Variants in CNPY4 observed in about 807,000 individuals in gnomAD.
The protein encoded by CNPY4 is protein canopy homolog 4.
CNPY4 carries 33 observed loss-of-function variants against 30.1 expected under a neutral mutation model. That is an observed-to-expected ratio of 1.10 (90% CI 0.83 to 1.46). The LOEUF (loss-of-function observed/expected upper bound fraction) is 1.46. CNPY4 is among the 40% of genes most tolerant of loss of function. The pLI is 0.00. For missense variants in CNPY4, 324 were observed against 302.6 expected (o/e 1.07, Z -0.52); for synonymous variants, 109 against 110.1 (o/e 0.99, Z 0.06).
Position 100,119,810 on chromosome 7 carries a change from G to A in CNPY4, c.66G>A (p.Gly22=). The change falls in exon 1 of 6, where the codon GGG becomes GGA. Residue 22 remains glycine, a synonymous_variant. Coordinates refer to ENST00000262932, the MANE Select transcript of CNPY4 (RefSeq NM_152755.2). ...LFLAVHEAWA[G]MLKEEDDDTE... is the part of the protein sequence containing the mutation. Reference sequence around the variant, plus strand: ...TGGCCGTGCACGAGGCTTGGGCTGGGATGTTGAAGGAGGAGGACGATGACA... The same window carrying A: ...TGGCCGTGCACGAGGCTTGGGCTGGAATGTTGAAGGAGGAGGACGATGACA... 1 of 1,614,142 alleles carries A rather than the reference G, an allele frequency of 6.2e-7. No individual in the cohort carries two copies. The highest frequency in any genetic ancestry group is 8.5e-7 in the Non-Finnish European group (1 of 1,180,002).
intron 4 of CNPY4, among the ~76,000 whole-genome samples, chr7:100,123,843 A>G (rs896364119): frequency 2.6e-5 from 4 of 152,220 alleles, no homozygotes; most frequent in African/African-American, 4.8e-5. Flanking sequence ...TTAAAAAGTA[A>G]TAATGGGCCA....
Position 100,122,368 on chromosome 7 carries a change from C to G in CNPY4, c.228C>G (p.His76Gln), listed in dbSNP as rs369187074. 6.2e-7 allele frequency: 1 copy of G among 1,614,136 alleles called. No individual in the cohort carries two copies. Among genetic ancestry groups the G allele is most frequent in the Non-Finnish European group, 8.5e-7 (1 of 1,180,026 alleles). ...QVLDTGKRKR[H>Q]VPYSVSETRL... is the part of the protein sequence containing the mutation. ...TGGATACAGGCAAGAGGAAGAGACA[C>G]GTGCCTTACAGCGTTTCGTGAGTCC... is the stretch of plus-strand genomic sequence containing the variant. Residue 76 changes from histidine to glutamine, a missense_variant, in exon 2 of 6, where the codon CAC (histidine) becomes CAG (glutamine). Coordinates refer to ENST00000262932, the MANE Select transcript of CNPY4 (RefSeq NM_152755.2).
Position 100,124,939 on chromosome 7 carries a change from A to C in CNPY4, c.*51A>C, listed in dbSNP as rs374228511. 6.5e-7 allele frequency: 1 copy of C among 1,526,784 alleles called. No individual in the cohort carries two copies. 94.6% of individuals were successfully genotyped at this position (1,526,784 alleles called of 1,614,324 possible). On this transcript the variant is annotated 3_prime_UTR_variant, in exon 6 of 6. Transcript: ENST00000262932. ...GGAAGGGATCATGGAGAGCCCTCTA[A>C]AGCCTGCACTCTCCCTGCTCCACAG...
Position 100,124,971 on chromosome 7 carries a change from G to C in CNPY4, c.*83G>C, listed in dbSNP as rs900879198. On this transcript the variant is annotated 3_prime_UTR_variant, in exon 6 of 6. Transcript: ENST00000262932. ...CACTCTCCCTGCTCCACAGCTTTCA[G>C]GGTGTGTTTATGAGTGACTCCACCC... 4 of 1,485,526 alleles carry C rather than the reference G, an allele frequency of 2.7e-6. No homozygotes were observed. The East Asian group carries it at 6.8e-5, about 25-fold the overall frequency. 92.0% of individuals were successfully genotyped at this position (1,485,526 alleles called of 1,614,324 possible). A position where few individuals can be genotyped will look rare whatever the true frequency, so the allele number is the denominator to read the frequency against.
Position 100,122,773 on chromosome 7 carries a change from T to TA in CNPY4, c.343-9dup. On this transcript the variant is annotated splice_polypyrimidine_tract_variant and intron_variant, in intron 3 of 5. Transcript: ENST00000262932. Reference sequence around the variant, plus strand: ...GTGAGCTGGGCTGATGCCAAATTCTTAATCTCTCAGGGTCAGAGTCAGACC... The same window carrying TA: ...GTGAGCTGGGCTGATGCCAAATTCTTAAATCTCTCAGGGTCAGAGTCAGACC... The TA allele has an allele frequency of 1.2e-6, 2 of 1,608,892 alleles. No homozygotes were observed. The highest frequency in any genetic ancestry group is 1.7e-4 in the Middle Eastern group (1 of 6,018).
chr7:100,124,666 C>T, intron 5 of CNPY4, 35 bp downstream of exon 5: 3 of 1,610,788 alleles, frequency 1.9e-6, no homozygotes, highest in Non-Finnish European at 2.5e-6. Flanking sequence ...TCCTGCCAAG[C>T]CATAGCCTCC....
At chr7:100,122,761 A>G in intron 3 of CNPY4, 23 bp from the exon 4 acceptor site, 1 of 1,605,976 alleles carries the variant, frequency 6.2e-7, no homozygotes, top group Non-Finnish European at 8.5e-7. Flanking sequence ...AGCTGGGCTG[A>G]TGCCAAATTC....
At position 100,122,325 on chromosome 7, in the gene CNPY4, T is replaced by C. The variant is rs758348174; in HGVS notation, c.185T>C (p.Leu62Pro). The change falls in exon 2 of 6, where the codon CTG becomes CCG. Residue 62 changes from leucine to proline, a missense_variant. Coordinates refer to ENST00000262932, the MANE Select transcript of CNPY4 (RefSeq NM_152755.2). ...LSRTGRSREV[L>P]ELGQVLDTGK... is the part of the protein sequence containing the mutation. Reference sequence around the variant, plus strand: ...CGCACCGGTCGATCTCGAGAGGTGCTGGAGCTGGGGCAGGTGCTGGATACA... The same window carrying C: ...CGCACCGGTCGATCTCGAGAGGTGCCGGAGCTGGGGCAGGTGCTGGATACA... The C allele has an allele frequency of 1.2e-6, 2 of 1,614,124 alleles. No individual in the cohort carries two copies. The highest frequency in any genetic ancestry group is 3.3e-5 in the Admixed American group (2 of 60,004).
chr7:100,124,718 G>T lies in CNPY4; in HGVS notation c.584-7G>T. 2 of 1,613,726 alleles carry T rather than the reference G, an allele frequency of 1.2e-6. No individual in the cohort carries two copies. Among genetic ancestry groups the T allele is most frequent in the Non-Finnish European group, 1.7e-6 (2 of 1,179,924 alleles). On this transcript the variant is annotated splice_region_variant and splice_polypyrimidine_tract_variant and intron_variant, in intron 5 of 5. Coordinates refer to ENST00000262932, the MANE Select transcript of CNPY4 (RefSeq NM_152755.2). ...ATATCTAAATTGTTTTCTGTCATCC[G>T]ATCTAGCATGTCTACAGGAAACTTG... is the stretch of plus-strand genomic sequence containing the variant.
chr7:100,123,859 G>A (rs969235399), intron 4 of CNPY4, among the ~76,000 whole-genome samples: 5 of 152,328 alleles, frequency 3.3e-5, no homozygotes, highest in East Asian at 1.9e-4. Flanking sequence ...GGCCAGGTGC[G>A]ATGGCTCACG....
rs917333548 is a variant in CNPY4, at chr7:100,124,877, G to A, written c.736G>A (p.Glu246Lys). The change falls in exon 6 of 6, where the codon GAA becomes AAA. Residue 246 changes from glutamate to lysine, a missense_variant. Transcript: ENST00000262932. ...KTGSHPKLDR[E>K]DL ...AGGAAGCCACCCCAAACTTGACCGAGAAGATCTTTGACCCTTGCCTTTGAG... is the reference window on the plus strand; with the variant it reads ...AGGAAGCCACCCCAAACTTGACCGAAAAGATCTTTGACCCTTGCCTTTGAG... 3 of 1,595,914 alleles carry A rather than the reference G, an allele frequency of 1.9e-6. No individual in the cohort carries two copies.
At position 100,124,538 on chromosome 7, in the gene CNPY4, G is replaced by C; in HGVS notation, c.490G>C (p.Glu164Gln). ...GTGTGAGACCATGTTGGAGGAGTTTGAAGACATTGTGGGAGACTGGTACTT... is the reference window on the plus strand; with the variant it reads ...GTGTGAGACCATGTTGGAGGAGTTTCAAGACATTGTGGGAGACTGGTACTT... ...KQCETMLEEF[E>Q]DIVGDWYFHH... Residue 164 changes from glutamate to glutamine, a missense_variant, in exon 5 of 6, where the codon GAA (glutamate) becomes CAA (glutamine). Transcript: ENST00000262932. 6.2e-7 allele frequency: 1 copy of C among 1,612,858 alleles called. No individual in the cohort carries two copies. The highest frequency in any genetic ancestry group is 8.5e-7 in the Non-Finnish European group (1 of 1,179,794).
At chr7:100,123,688 T>C (rs1248763726) in intron 4 of CNPY4, among the ~76,000 whole-genome samples, 1 of 151,946 alleles carries the variant, frequency 6.6e-6, no homozygotes, top group Admixed American at 6.6e-5. Context: ...GCCCAGCTAA[T>C]TTTTTGTAAT....
At chr7:100,122,634 C>A in intron 3 of CNPY4, 57 bp downstream of exon 3, 1 of 1,529,084 alleles carries the variant, frequency 6.5e-7, no homozygotes, top group South Asian at 1.2e-5. Flanking sequence ...TCTGTATCCC[C>A]TGAGGCCCTC....
intron 1 of CNPY4, chr7:100,121,111 T>TATATATATATAC (rs1562938270): frequency 3.5e-3 from 125 of 35,310 alleles, no homozygotes; most frequent in Non-Finnish European, 5.9e-3. Context: ...TATATATATA[T>TATATATATATAC]ATATATTTTT....
Position 100,124,736 on chromosome 7 carries a change from G to A in CNPY4, c.595G>A (p.Glu199Lys). Residue 199 changes from glutamate (E) to lysine (K), a missense_variant, in exon 6 of 6, where the codon GAA becomes AAA. Physicochemically the swap from Glu to Lys is moderately conservative, Grantham distance 56. Coordinates refer to ENST00000262932, the MANE Select transcript of CNPY4 (RefSeq NM_152755.2). Reference sequence around the variant, plus strand: ...GTCATCCGATCTAGCATGTCTACAGGAAACTTGGACTGGAAAGGAGATCAC... The same window carrying A: ...GTCATCCGATCTAGCATGTCTACAGAAAACTTGGACTGGAAAGGAGATCAC... ...LPAAETACLQ[E>K]TWTGKEITDG... 1 of 1,613,910 alleles carries A rather than the reference G, an allele frequency of 6.2e-7. No homozygotes were observed. Among genetic ancestry groups the A allele is most frequent in the Admixed American group, 1.7e-5 (1 of 59,950 alleles).
intron 1 of CNPY4, chr7:100,121,400 G>C (rs904536894): frequency 4.6e-5 from 7 of 151,514 alleles, no homozygotes; most frequent in African/African-American, 1.7e-4. Context: ...GCCTCCCAAA[G>C]TGTTGGGATT....
chr7:100,123,711 G>A (rs60262427), intron 4 of CNPY4, among the ~76,000 whole-genome samples: 35 of 152,154 alleles, frequency 2.3e-4, no homozygotes, highest in African/African-American at 7.7e-4. Flanking sequence ...TAGTAGAGAC[G>A]GGGTTTCATC....
Position 100,119,844 on chromosome 7 carries a change from T to C in CNPY4, c.100T>C (p.Leu34=). 1.2e-6 allele frequency: 2 copies of C among 1,612,366 alleles called. No homozygotes were observed. Among genetic ancestry groups the C allele is most frequent in the Non-Finnish European group, 1.7e-6 (2 of 1,179,496 alleles). The change falls in exon 1 of 6, where the codon TTG becomes CTG. Residue 34 remains leucine, a synonymous_variant. Coordinates refer to ENST00000262932, the MANE Select transcript of CNPY4 (RefSeq NM_152755.2). The part of the protein sequence containing the change: ...LKEEDDDTER[L]PSKCEVCKLL... ...GGAGGAGGACGATGACACAGAACGC[T>C]TGCCCAGCAAATGCGAAGGTATTTG...
Sources: gnomAD v4.1 joint callset for allele counts (sites outside exome capture counted in the v4.1 genomes callset) on GRCh38, gnomAD v4.1.1 for gene constraint, MANE v1.5 for transcripts, NCBI Gene and HGNC (gene_info 2026-07-23, HGNC 2026-07-21) for gene names.